Variants in FRYL observed in about 807,000 individuals in gnomAD.
The protein encoded by FRYL is FRY like transcription coactivator.
A neutral mutation model predicts 351.2 loss-of-function variants in FRYL; 150 were observed. The ratio of observed to expected loss-of-function variants is 0.43; its 90% confidence interval spans 0.37 to 0.49. The LOEUF (loss-of-function observed/expected upper bound fraction) is 0.49. Ranked by LOEUF, FRYL falls within the 20% of genes least tolerant of loss-of-function variation. FRYL has a pLI of 0.00. For missense variants in FRYL, 3,036 were observed against 3,619.3 expected, an observed-to-expected ratio of 0.84 and a Z score of 4.13; for synonymous variants, 1,153 against 1,257.1, an observed-to-expected ratio of 0.92 and a Z score of 1.75.
intron 3 of FRYL, among the ~76,000 whole-genome samples, chr4:48,653,025 G>A (rs1758050145): frequency 1.3e-5 from 2 of 152,078 alleles, no homozygotes; most frequent in Admixed American, 1.3e-4. Flanking sequence ...AACAGACTAT[G>A]GTAAGTGTTT....
At chr4:48,761,216 G>C (rs1774392915) in intron 1 of FRYL, among the ~76,000 whole-genome samples, 1 of 152,082 alleles carries the variant, frequency 6.6e-6, no homozygotes, top group Non-Finnish European at 1.5e-5. Flanking sequence ...TGTAGGCTTT[G>C]GTGAATGAGA....
chr4:48,616,784 G>A (rs1437845435), intron 7 of FRYL, among the ~76,000 whole-genome samples: 4 of 152,192 alleles, frequency 2.6e-5, no homozygotes, highest in Non-Finnish European at 5.9e-5. Flanking sequence ...ATCCTCTGTA[G>A]ACTGTGTGCC....
chr4:48,619,179 A>C lies in FRYL; in HGVS notation c.411+95T>G. Reference sequence around the variant, plus strand: ...ACAGGAATTTAATTTATGTGGGCTAAAATTCTAGACACAGCATCTTAAAGT... The same window carrying C: ...ACAGGAATTTAATTTATGTGGGCTACAATTCTAGACACAGCATCTTAAAGT... On this transcript the variant is annotated intron_variant, in intron 7 of 63. Coordinates refer to ENST00000358350, the MANE Select transcript of FRYL (RefSeq NM_015030.2). The C allele has an allele frequency of 3.7e-6, 3 of 814,994 alleles. No individual in the cohort carries two copies. In the South Asian group the frequency reaches 4.7e-5, roughly 13 times the overall value. The allele number at this position is 814,994 out of a possible 1,614,324, so 50.5% of individuals were successfully genotyped here. A position where few individuals can be genotyped will look rare whatever the true frequency, so the allele number is the denominator to read the frequency against.
chr4:48,610,771 AT>A (rs1747996631), intron 7 of FRYL, among the ~76,000 whole-genome samples: 1 of 146,464 alleles, frequency 6.8e-6, no homozygotes, highest in African/African-American at 2.5e-5. Flanking sequence ...TATTATATAT[AT>A]GTTCAATATA....
intron 9 of FRYL, among the ~76,000 whole-genome samples, chr4:48,607,631 T>C (rs1442734197): frequency 6.6e-6 from 1 of 152,108 alleles, no homozygotes; most frequent in Admixed American, 6.6e-5. Flanking sequence ...TCTTCCCCAC[T>C]CCCACTCAAC....
chr4:48,559,330 T>C (rs1049563464), intron 33 of FRYL, among the ~76,000 whole-genome samples: 1 of 150,628 alleles, frequency 6.6e-6, no homozygotes, highest in Non-Finnish European at 1.5e-5. Flanking sequence ...CACGGTGTGG[T>C]TTGACTTCCT....
chr4:48,623,264 A>G, intron 4 of FRYL, 85 bp from the exon 5 acceptor site: 1 of 820,192 alleles, frequency 1.2e-6, no homozygotes, highest in Non-Finnish European at 1.9e-6. Context: ...TAAACAGTTT[A>G]GATTTGTGCG....
At chr4:48,628,436 G>A (rs1331589127) in intron 4 of FRYL, among the ~76,000 whole-genome samples, 1 of 149,024 alleles carries the variant, frequency 6.7e-6, no homozygotes, top group Admixed American at 6.7e-5. Flanking sequence ...ATTTGCGTGT[G>A]TGTGTGTGTG....
intron 27 of FRYL, 62 bp downstream of exon 27, chr4:48,570,765 G>A (rs1738126725): frequency 1.1e-5 from 14 of 1,221,342 alleles, no homozygotes; most frequent in African/African-American, 6.0e-5. Flanking sequence ...TTTCATGAGC[G>A]AAAAGAGATT....
chr4:48,667,551 TAATA>T (rs968437040), intron 3 of FRYL, among the ~76,000 whole-genome samples: 10 of 152,024 alleles, frequency 6.6e-5, no homozygotes, highest in Non-Finnish European at 1.5e-4. Context: ...CAAATCAAAT[TAATA>T]AATATTTACT....
At chr4:48,771,760 T>C (rs775876872) in intron 1 of FRYL, among the ~76,000 whole-genome samples, 2 of 126,838 alleles carry the variant, frequency 1.6e-5, no homozygotes, top group South Asian at 3.0e-4. Flanking sequence ...AGTCTTCTGG[T>C]TCCTCACCCA....
At chr4:48,516,214 T>A (rs917479317) in intron 55 of FRYL, among the ~76,000 whole-genome samples, 11 of 152,216 alleles carry the variant, frequency 7.2e-5, no homozygotes, top group African/African-American at 2.7e-4. Context: ...AAAGACTATA[T>A]TCTCCTCATT....
chr4:48,676,688 G>T (rs1763751424), intron 3 of FRYL, among the ~76,000 whole-genome samples: 1 of 152,150 alleles, frequency 6.6e-6, no homozygotes, highest in Non-Finnish European at 1.5e-5. Flanking sequence ...ACTGCGCCTG[G>T]CCAAGTTTCA....
chr4:48,596,685 A>C (rs1397712065), intron 13 of FRYL, among the ~76,000 whole-genome samples: 2 of 152,140 alleles, frequency 1.3e-5, no homozygotes, highest in African/African-American at 4.8e-5. Flanking sequence ...TTGACTATTA[A>C]GTGTTATAAT....
At position 48,502,964 on chromosome 4, in the gene FRYL, T is replaced by G. The variant is rs73814777; in HGVS notation, c.8464-119A>C. The G allele has an allele frequency of 8.6e-4, 582 of 679,938 alleles. 3 individuals are homozygous for G. In the African/African-American group the frequency reaches 9.9e-3, roughly 12 times the overall value. The allele number at this position is 679,938 out of a possible 1,614,324, so 42.1% of individuals were successfully genotyped here. On this transcript the variant is annotated intron_variant, in intron 60 of 63. Transcript: ENST00000358350. ...TTCCAGGTAAACTGAAGAACATATATTTATACCCCAAAGAAAATTATACAA... is the reference window on the plus strand; with the variant it reads ...TTCCAGGTAAACTGAAGAACATATAGTTATACCCCAAAGAAAATTATACAA...
At chr4:48,525,196 T>A (rs6831857) in intron 53 of FRYL, among the ~76,000 whole-genome samples, 1 of 133,078 alleles carries the variant, frequency 7.5e-6, no homozygotes. Context: ...TATATATATA[T>A]ACACACACTT....
chr4:48,500,150 T>C lies in FRYL; in HGVS notation c.8663A>G (p.Asn2888Ser). ...AGCTTTGGAAATGTCAATTTCTTCG[T>C]TTTCGGAAGCGGACTCAGCTTCTTT... ...ILKEAESASENEEIDISKAAQ... is the reference protein window; with the variant it reads ...ILKEAESASESEEIDISKAAQ... Residue 2888 changes from asparagine (N) to serine (S), a missense_variant, in exon 63 of 64, where the codon AAC (asparagine) becomes AGC (serine). Asn to Ser is a conservative substitution (Grantham distance 46, BLOSUM62 1). Coordinates refer to ENST00000358350, the MANE Select transcript of FRYL (RefSeq NM_015030.2). 4 of 1,606,038 alleles carry C rather than the reference T, an allele frequency of 2.5e-6. No individual in the cohort carries two copies. Among genetic ancestry groups the C allele is most frequent in the Non-Finnish European group, 2.5e-6 (3 of 1,178,472 alleles).
chr4:48,697,259 C>A (rs2149569721), intron 2 of FRYL, among the ~76,000 whole-genome samples: 1 of 152,018 alleles, frequency 6.6e-6, no homozygotes, highest in Admixed American at 6.6e-5. Context: ...CTAAATTTTA[C>A]CTAAAATTTC....
chr4:48,667,454 G>T (rs1159007943), intron 3 of FRYL, among the ~76,000 whole-genome samples: 6 of 151,034 alleles, frequency 4.0e-5, no homozygotes, highest in Non-Finnish European at 4.4e-5. Context: ...TTTTGAACTG[G>T]AGAGATTTTA....
Sources: allele counts gnomAD v4.1 joint callset (sites outside exome capture counted in the v4.1 genomes callset), GRCh38; gene constraint gnomAD v4.1.1; transcripts MANE v1.5; gene names NCBI Gene and HGNC (gene_info 2026-07-23, HGNC 2026-07-21).